The following PRKAR1A variants were observed in gnomAD, a reference collection of about 807,000 sequenced individuals.
The protein encoded by PRKAR1A is cAMP-dependent protein kinase type I-alpha regulatory subunit.
PRKAR1A carries 3 observed loss-of-function variants against 52.0 expected under a neutral mutation model. The observed-to-expected ratio is 0.06, with a 90% CI of 0.03 to 0.15. The LOEUF (loss-of-function observed/expected upper bound fraction) is 0.15. Among genes scored for constraint, PRKAR1A ranks in the 10% least tolerant of loss-of-function variants. The pLI, the probability that PRKAR1A is intolerant of heterozygous loss-of-function variation, is 1.00. For synonymous variants in PRKAR1A, 188 were observed against 168.4 expected, an observed-to-expected ratio of 1.12 and a Z score of -0.90; for missense variants, 240 against 477.4, an observed-to-expected ratio of 0.50 and a Z score of 4.63.
At chr17:68,542,504 C>T (rs1300269903) in intron 11 of PRKAR1A, among the ~76,000 whole-genome samples, 1 of 152,122 alleles carries the variant, frequency 6.6e-6, no homozygotes, top group Non-Finnish European at 1.5e-5. Flanking sequence ...TCAAACACAA[C>T]CTTTCCCATC....
the PRKAR1A span, chr17:68,420,753 C>T: frequency 2.4e-6 from 1 of 419,214 alleles, no homozygotes; most frequent in Non-Finnish European, 4.3e-6. Flanking sequence ...ATTGTTTAAC[C>T]TAACCTGCAA....
At chr17:68,467,696 T>C in the PRKAR1A span, among the ~76,000 whole-genome samples, 7 of 152,220 alleles carry the variant, frequency 4.6e-5, no homozygotes, top group Non-Finnish European at 1.0e-4. Flanking sequence ...AAGAACTCGA[T>C]ATCTGAAGCA....
chr17:68,451,723 C>T, the PRKAR1A span, among the ~76,000 whole-genome samples: 1 of 152,150 alleles, frequency 6.6e-6, no homozygotes, highest in East Asian at 1.9e-4. Context: ...TGTACTCCCC[C>T]CACCCCCTAT....
chr17:68,417,733 A>ATTGTTTT, the PRKAR1A span, among the ~76,000 whole-genome samples: 1 of 60,788 alleles, frequency 1.6e-5, no homozygotes, highest in South Asian at 9.1e-4. Context: ...GAGTTGCTGA[A>ATTGTTTT]TTTTTTTTTT....
At chr17:68,458,441 A>G in the PRKAR1A span, among the ~76,000 whole-genome samples, 1 of 152,356 alleles carries the variant, frequency 6.6e-6, no homozygotes, top group East Asian at 1.9e-4. Context: ...TAACCAGGAC[A>G]GAAATGACTG....
chr17:68,542,074 G>A, intron 11 of PRKAR1A: 1 of 1,614,008 alleles, frequency 6.2e-7, no homozygotes. Flanking sequence ...GGAAGGCAGA[G>A]AGGGAACCCT....
At chr17:68,461,973 C>T in the PRKAR1A span, among the ~76,000 whole-genome samples, 1 of 152,184 alleles carries the variant, frequency 6.6e-6, no homozygotes, top group Non-Finnish European at 1.5e-5. This position sits in a 1 kb window ranked among gnomAD's most constrained non-coding sequence, Gnocchi z 4.6. Context: ...TGTGAGATAG[C>T]ATGGCTGCAG....
Position 68,533,415 on chromosome 17 carries a change from A to C in PRKAR1A, c.*2966A>C. On this transcript the variant is annotated 3_prime_UTR_variant, in exon 11 of 11. Transcript: ENST00000589228. ...TATGAAACCTTTAGAGTCACAATAA[A>C]ATGTAACTAAAGAAAATTTCTCTGG... is the stretch of plus-strand genomic sequence containing the variant. 1.9e-6 allele frequency: 2 copies of C among 1,057,848 alleles called. No homozygotes were observed. Among genetic ancestry groups the C allele is most frequent in the Non-Finnish European group, 2.3e-6 (2 of 874,444 alleles). The allele number at this position is 1,057,848 out of a possible 1,614,324, so 65.5% of individuals were successfully genotyped here.
At chr17:68,484,458 C>CTTT in the PRKAR1A span, among the ~76,000 whole-genome samples, 18 of 135,532 alleles carry the variant, frequency 1.3e-4, no homozygotes, top group African/African-American at 4.8e-4. Flanking sequence ...ATCGTGGTAT[C>CTTT]TTTTTTTTTT....
the PRKAR1A span, chr17:68,433,372 G>A: frequency 8.8e-7 from 1 of 1,135,666 alleles, no homozygotes; most frequent in Non-Finnish European, 1.3e-6. Flanking sequence ...CCAAGATTGG[G>A]TGTTCAGAAA....
At chr17:68,543,772 C>A in intron 11 of PRKAR1A, 1 of 1,498,206 alleles carries the variant, frequency 6.7e-7, no homozygotes, top group Non-Finnish European at 9.3e-7. Flanking sequence ...AGCTGGGAGC[C>A]TGAGAAGAGA....
intron 11 of PRKAR1A, chr17:68,543,603 G>A: frequency 1.2e-6 from 2 of 1,604,188 alleles, no homozygotes; most frequent in Non-Finnish European, 1.7e-6. Flanking sequence ...TATAGGCAAT[G>A]CCATCTCCAT....
intron 2 of PRKAR1A, among the ~76,000 whole-genome samples, chr17:68,518,189 A>G (rs993982408): frequency 3.9e-5 from 6 of 152,096 alleles, no homozygotes; most frequent in Admixed American, 6.5e-5. Flanking sequence ...GCATGGTGCA[A>G]TCTGTTGGTG....
chr17:68,426,219 C>A, the PRKAR1A span: 2 of 1,172,454 alleles, frequency 1.7e-6, no homozygotes, highest in Non-Finnish European at 2.4e-6. Flanking sequence ...TGGGGATCTG[C>A]TTTTATGCCA....
At chr17:68,427,417 C>T in the PRKAR1A span, 53 of 495,134 alleles carry the variant, frequency 1.1e-4, no homozygotes, top group African/African-American at 1.6e-4. Context: ...AGTGCAGTGG[C>T]GCAATCTCGG....
the PRKAR1A span, among the ~76,000 whole-genome samples, chr17:68,415,653 A>G: frequency 6.6e-6 from 1 of 152,006 alleles, no homozygotes; most frequent in Admixed American, 6.6e-5. Context: ...GTTGCCGTCT[A>G]TCTCATTTCT....
the PRKAR1A span, among the ~76,000 whole-genome samples, chr17:68,438,748 G>A: frequency 2.0e-5 from 3 of 152,154 alleles, no homozygotes; most frequent in African/African-American, 7.2e-5. Flanking sequence ...TTACAGGCGT[G>A]TGCCACCACG....
Position 68,516,440 on chromosome 17 carries a change from A to G in PRKAR1A, c.177+864A>G, listed in dbSNP as rs113286117. On this transcript the variant is annotated intron_variant, in intron 2 of 10. Coordinates refer to ENST00000589228, the MANE Select transcript of PRKAR1A (RefSeq NM_002734.5). Reference sequence around the variant, plus strand: ...GCATGTGGAAGTTATGAGGTGGTTCATAATGATTATGAATTAATTGAAATG... The same window carrying G: ...GCATGTGGAAGTTATGAGGTGGTTCGTAATGATTATGAATTAATTGAAATG... 9.3e-3 allele frequency among the ~76,000 whole-genome samples: 1,410 copies of G among 152,284 alleles called. 13 individuals carry two copies. The highest frequency in any genetic ancestry group is 0.014 in the Admixed American group (209 of 15,302).
At chr17:68,420,072 G>T in the PRKAR1A span, 2 of 1,192,772 alleles carry the variant, frequency 1.7e-6, no homozygotes, top group Non-Finnish European at 1.2e-6. Flanking sequence ...AGCCATCATT[G>T]GAACATTTGG....
Sources: gnomAD v4.1 joint callset for allele counts (sites outside exome capture counted in the v4.1 genomes callset) on GRCh38, gnomAD v4.1.1 for gene constraint, Gnocchi (gnomAD v3.1) non-coding constraint, MANE v1.5 for transcripts, NCBI Gene and HGNC (gene_info 2026-07-23, HGNC 2026-07-21) for gene names.